The following PLXDC2 variants were observed in gnomAD, a reference collection of about 807,000 sequenced individuals.
The protein encoded by PLXDC2 is plexin domain-containing protein 2.
PLXDC2 carries 40 observed loss-of-function variants against 68.9 expected under a neutral mutation model. That is an observed-to-expected ratio of 0.58 (90% confidence interval 0.45 to 0.76). The LOEUF (loss-of-function observed/expected upper bound fraction) is 0.76. PLXDC2 is among the 30% of genes least tolerant of loss of function. PLXDC2 has a pLI of 0.00. For missense variants in PLXDC2, 644 were observed against 661.9 expected, an observed-to-expected ratio of 0.97 and a Z score of 0.30; for synonymous variants, 243 against 234.2, an observed-to-expected ratio of 1.04 and a Z score of -0.34.
intron 6 of PLXDC2, among the ~76,000 whole-genome samples, chr10:20,148,643 A>G (rs1834110334): frequency 6.6e-6 from 1 of 152,194 alleles, no homozygotes; most frequent in Non-Finnish European, 1.5e-5. Flanking sequence ...AGTTCCAGGA[A>G]CTACAAATGT....
At chr10:20,126,883 A>G (rs953298615) in intron 4 of PLXDC2, among the ~76,000 whole-genome samples, 1 of 147,954 alleles carries the variant, frequency 6.8e-6, no homozygotes, top group Non-Finnish European at 1.5e-5. Flanking sequence ...AATATATGAT[A>G]TATACTATAT....
intron 1 of PLXDC2, among the ~76,000 whole-genome samples, chr10:19,958,344 T>C (rs1036970698): frequency 3.3e-5 from 5 of 152,134 alleles, no homozygotes; most frequent in African/African-American, 1.2e-4. Flanking sequence ...TTAGATTCCT[T>C]TCTGAACTGA....
rs552551314 is a variant in PLXDC2, at chr10:20,147,674, A to C, written c.665-110A>C. The C allele has an allele frequency of 1.1e-5, 7 of 651,900 alleles. No homozygotes were observed. In the African/African-American group the frequency reaches 1.1e-4, roughly 10 times the overall value. 40.4% of individuals were successfully genotyped at this position (651,900 alleles called of 1,614,324 possible). On this transcript the variant is annotated intron_variant, in intron 5 of 13. Coordinates refer to ENST00000377252, the MANE Select transcript of PLXDC2 (RefSeq NM_032812.9). Reference sequence around the variant, plus strand: ...TAACCACATAAAATCGAAATAGTACAACTACCAGATTTGAAGGCCAGATGC... The same window carrying C: ...TAACCACATAAAATCGAAATAGTACCACTACCAGATTTGAAGGCCAGATGC...
At chr10:19,966,288 TACAC>T (rs1834249296) in intron 1 of PLXDC2, among the ~76,000 whole-genome samples, 1 of 104,088 alleles carries the variant, frequency 9.6e-6, no homozygotes, top group Admixed American at 1.1e-4. Context: ...TGTGTATATA[TACAC>T]ATATATGTGT....
chr10:20,230,649 G>A (rs1217882477), intron 12 of PLXDC2, among the ~76,000 whole-genome samples: 4 of 123,264 alleles, frequency 3.2e-5, no homozygotes, highest in Non-Finnish European at 4.8e-5. Flanking sequence ...ACCATGGTGA[G>A]CGCATGGTCA....
chr10:20,141,670 A>G (rs901091371), intron 4 of PLXDC2, among the ~76,000 whole-genome samples: 16 of 152,080 alleles, frequency 1.1e-4, no homozygotes, highest in Non-Finnish European at 2.2e-4. Flanking sequence ...GACCCTGGAA[A>G]AGAGTTACTC....
chr10:20,166,816 C>T (rs1429832458), intron 7 of PLXDC2, among the ~76,000 whole-genome samples: 2 of 151,546 alleles, frequency 1.3e-5, no homozygotes, highest in African/African-American at 2.4e-5. Flanking sequence ...ATATCAGGGC[C>T]CTAAAGTGTA....
intron 1 of PLXDC2, among the ~76,000 whole-genome samples, chr10:19,981,612 A>G (rs916654715): frequency 3.9e-5 from 6 of 152,162 alleles, no homozygotes; most frequent in African/African-American, 1.4e-4. Context: ...CTCTGCACAA[A>G]ATGATGGGTC....
At chr10:20,071,386 C>T (rs1836313163) in intron 4 of PLXDC2, 1 of 152,216 alleles carries the variant, frequency 6.6e-6, no homozygotes, top group East Asian at 1.9e-4. Flanking sequence ...TCATCTTAAA[C>T]TGTGGCTCCC....
chr10:19,970,096 A>G (rs1834326018), intron 1 of PLXDC2, among the ~76,000 whole-genome samples: 1 of 152,174 alleles, frequency 6.6e-6, no homozygotes, highest in South Asian at 2.1e-4. Context: ...CCTCTTCCCT[A>G]TACCAGGAGA....
chr10:20,217,571 C>T lies in PLXDC2; in HGVS notation c.1268C>T (p.Thr423Ile), dbSNP rs1835156053. 2.0e-6 allele frequency: 3 copies of T among 1,503,530 alleles called. No individual in the cohort carries two copies. Among genetic ancestry groups the T allele is most frequent in the African/African-American group, 1.5e-5 (1 of 68,462 alleles). The allele number at this position is 1,503,530 out of a possible 1,614,324, so 93.1% of individuals were successfully genotyped here. ...VTSQFPTSLP[T>I]EDDTKIALHL... ...TCTCAGTTTCCCACCAGCCTCCCTA[C>T]AGAAGGTACCCAAGAGATAGTTTGC... is the stretch of plus-strand genomic sequence containing the variant. The change falls in exon 11 of 14, where the codon ACA (threonine) becomes ATA (isoleucine). Residue 423 changes from threonine (T) to isoleucine (I), a missense_variant. Thr to Ile is a moderately conservative substitution (Grantham distance 89, BLOSUM62 -1). This residue lies in a region of PLXDC2 where 330 missense variants were observed against 327.9 expected (regional missense o/e 1.01). Coordinates refer to ENST00000377252, the MANE Select transcript of PLXDC2 (RefSeq NM_032812.9).
chr10:20,008,007 A>G (rs1043140200), intron 2 of PLXDC2, among the ~76,000 whole-genome samples: 3 of 152,234 alleles, frequency 2.0e-5, no homozygotes, highest in African/African-American at 4.8e-5. Flanking sequence ...AGATTTAGCT[A>G]AAAAGTAGAG....
At chr10:20,127,225 A>C (rs1254105714) in intron 4 of PLXDC2, among the ~76,000 whole-genome samples, 1 of 152,110 alleles carries the variant, frequency 6.6e-6, no homozygotes, top group Admixed American at 6.6e-5. Context: ...TTATCTTGCC[A>C]TGAAAAGGGA....
chr10:20,045,722 A>G (rs919861860), intron 2 of PLXDC2, among the ~76,000 whole-genome samples: 12 of 152,164 alleles, frequency 7.9e-5, no homozygotes, highest in African/African-American at 2.9e-4. Flanking sequence ...TAGATGATAA[A>G]TGAATTACAC....
At chr10:19,971,935 G>A (rs11594415) in intron 1 of PLXDC2, among the ~76,000 whole-genome samples, 7,911 of 152,108 alleles carry the variant, frequency 0.052, 264 homozygotes, top group Middle Eastern at 0.092. Context: ...GGGCAGGGGC[G>A]GCTAAAGCAC....
intron 7 of PLXDC2, among the ~76,000 whole-genome samples, chr10:20,169,868 A>G (rs1834424487): frequency 6.6e-6 from 1 of 152,210 alleles, no homozygotes; most frequent in Non-Finnish European, 1.5e-5. Flanking sequence ...GACAGTGACT[A>G]TATCTGAGTC....
At position 20,275,255 on chromosome 10, in the gene PLXDC2, A is replaced by T. The variant is rs369490656; in HGVS notation, c.1474-4448A>T. Among the ~76,000 whole-genome samples the T allele has an allele frequency of 2.4e-4, 36 of 152,164 alleles. 1 individual carries two copies. Among genetic ancestry groups the T allele is most frequent in the Middle Eastern group, 3.4e-3 (1 of 294 alleles). On this transcript the variant is annotated intron_variant, in intron 13 of 13. Coordinates refer to ENST00000377252, the MANE Select transcript of PLXDC2 (RefSeq NM_032812.9). The stretch of plus-strand genomic sequence containing the variant: ...CTGTTAGAAGAGACCTTAGAAAATC[A>T]TCACCCTTGCTCTTCGAAATGTGTT...
chr10:19,932,816 A>T (rs1475523282), intron 1 of PLXDC2, among the ~76,000 whole-genome samples: 1 of 152,176 alleles, frequency 6.6e-6, no homozygotes, highest in Non-Finnish European at 1.5e-5. Flanking sequence ...GTTCTTCTGA[A>T]TTTGTTGTGC....
chr10:20,032,496 G>A (rs1393744258), intron 2 of PLXDC2, among the ~76,000 whole-genome samples: 2 of 152,162 alleles, frequency 1.3e-5, no homozygotes, highest in East Asian at 3.9e-4. Flanking sequence ...ACTCTACTAT[G>A]TAGAGAATAG....
Sources: allele counts gnomAD v4.1 joint callset (sites outside exome capture counted in the v4.1 genomes callset), GRCh38; gene constraint gnomAD v4.1.1; regional missense constraint gnomAD v4.1.1; transcripts MANE v1.5; gene names NCBI Gene and HGNC (gene_info 2026-07-23, HGNC 2026-07-21).